The following TRPC1 variants were observed in gnomAD, a reference collection of about 807,000 sequenced individuals.
TRPC1 encodes the protein short transient receptor potential channel 1.
In TRPC1, 42 loss-of-function variants were observed where a neutral mutation model predicts 88.2. The ratio of observed to expected loss-of-function variants is 0.48; its 90% CI spans 0.37 to 0.62. The LOEUF is 0.62. TRPC1 is among the 20% of genes least tolerant of loss of function. The probability of loss-of-function intolerance (pLI) is 0.00; values close to 1 mark genes in which losing one functional copy is unlikely to be tolerated. For missense variants in TRPC1, 699 were observed against 957.3 expected, an observed-to-expected ratio of 0.73 and a Z score of 3.56; for synonymous variants, 288 against 331.8, an observed-to-expected ratio of 0.87 and a Z score of 1.43.
rs1318762345 is a variant in TRPC1, at chr3:142,806,523, T to TC, written c.*288_*289insC. 2.4e-5 allele frequency: 5 copies of TC among 211,210 alleles called. 1 individual carries two copies. The highest frequency in any genetic ancestry group is 1.9e-4 in the South Asian group (2 of 10,622). The allele number at this position is 211,210 out of a possible 1,614,324, so 13.1% of individuals were successfully genotyped here. Reference sequence around the variant, plus strand: ...CTTAGTGCTTTAAAATGTTTTTTTTTATGTTTAAGAGGGGCAGTTATAAAT... The same window carrying TC: ...CTTAGTGCTTTAAAATGTTTTTTTTTCATGTTTAAGAGGGGCAGTTATAAAT... On this transcript the variant is annotated 3_prime_UTR_variant, in exon 13 of 13. Transcript: ENST00000476941.
rs1936084452 is a variant in TRPC1, at chr3:142,784,947, A to C, written c.1204A>C (p.Asn402His). 7 of 1,613,892 alleles carry C rather than the reference A, an allele frequency of 4.3e-6. No homozygotes were observed. The highest frequency in any genetic ancestry group is 5.9e-6 in the Non-Finnish European group (7 of 1,179,996). The change falls in exon 7 of 13, where the codon AAT (asparagine) becomes CAT (histidine). Residue 402 changes from asparagine to histidine, a missense_variant. Around this residue, in one of 4 missense-constraint regions of TRPC1, gnomAD observed 426 missense variants for 641.3 expected, o/e 0.66. Transcript: ENST00000476941. ...ASYFTFLLLL[N>H]LYSLVYNEDK... ...ATATTTCACATTTCTGCTGTTGCTT[A>C]ATCTATACTCTCTTGTCTACAATGA...
intron 4 of TRPC1, among the ~76,000 whole-genome samples, chr3:142,766,966 T>A (rs959354067): frequency 2.6e-5 from 4 of 152,348 alleles, no homozygotes; most frequent in African/African-American, 9.6e-5. Context: ...AAATAAAGTT[T>A]GAAATCAGTT....
In TRPC1 at chr3:142,807,074, A is replaced by G. The variant is rs1936816822; in HGVS notation, c.*839A>G. The G allele has an allele frequency of 6.6e-6, 1 of 151,984 alleles. No individual in the cohort carries two copies. Among genetic ancestry groups the G allele is most frequent in the Non-Finnish European group, 1.5e-5 (1 of 67,966 alleles). 9.4% of individuals were successfully genotyped at this position (151,984 alleles called of 1,614,324 possible). ...TGGTTTGTTTTAATTTTTTTGTATC[A>G]TAATAGTCCTATTTTTTTTTCAAGT... On this transcript the variant is annotated 3_prime_UTR_variant, in exon 13 of 13. Coordinates refer to ENST00000476941, the MANE Select transcript of TRPC1 (RefSeq NM_001251845.2).
intron 9 of TRPC1, among the ~76,000 whole-genome samples, chr3:142,793,457 G>A (rs2108145011): frequency 6.6e-6 from 1 of 152,044 alleles, no homozygotes; most frequent in South Asian, 2.1e-4. Context: ...CATACTTAGA[G>A]CTAAAAAATT....
intron 9 of TRPC1, 112 bp from the exon 10 acceptor site, chr3:142,802,057 G>A (rs1035839694): frequency 6.3e-6 from 4 of 634,676 alleles, no homozygotes; most frequent in Non-Finnish European, 1.0e-5. Flanking sequence ...CAATAGAAGG[G>A]GTGGCCTGTG....
chr3:142,781,734 G>A (rs1206860790), intron 6 of TRPC1, among the ~76,000 whole-genome samples: 1 of 152,034 alleles, frequency 6.6e-6, no homozygotes, highest in East Asian at 1.9e-4. Flanking sequence ...ATATTCATAT[G>A]TAGATAATAA....
At chr3:142,744,266 A>T (rs1043104306) in intron 3 of TRPC1, among the ~76,000 whole-genome samples, 3 of 152,142 alleles carry the variant, frequency 2.0e-5, no homozygotes, top group Non-Finnish European at 4.4e-5. Flanking sequence ...ATTTAAAAAA[A>T]ATCATTGATA....
At chr3:142,775,003 AAC>A (rs1935712767) in intron 4 of TRPC1, among the ~76,000 whole-genome samples, 1 of 152,192 alleles carries the variant, frequency 6.6e-6, no homozygotes, top group South Asian at 2.1e-4. Context: ...CTATTTTTGA[AAC>A]AGTGTGATAA....
chr3:142,784,980 A>G lies in TRPC1; in HGVS notation c.1237A>G (p.Lys413Glu). The change falls in exon 7 of 13, where the codon AAA becomes GAA. Residue 413 changes from lysine to glutamate, a missense_variant. This residue lies in a region of TRPC1 where 426 missense variants were observed against 641.3 expected (regional missense o/e 0.66). Coordinates refer to ENST00000476941, the MANE Select transcript of TRPC1 (RefSeq NM_001251845.2). ...CTCTCTTGTCTACAATGAGGATAAGAAAAACACAATGGGGCCAGCCCTTGA... is the reference window on the plus strand; with the variant it reads ...CTCTCTTGTCTACAATGAGGATAAGGAAAACACAATGGGGCCAGCCCTTGA... ...LYSLVYNEDK[K>E]NTMGPALERI... The G allele has an allele frequency of 6.2e-7, 1 of 1,613,832 alleles. No homozygotes were observed.
intron 6 of TRPC1, among the ~76,000 whole-genome samples, chr3:142,784,469 G>T (rs541335482): frequency 1.2e-3 from 178 of 152,158 alleles, no homozygotes; most frequent in Non-Finnish European, 1.9e-3. Flanking sequence ...CTTGTTAAAG[G>T]TCATTTACCA....
chr3:142,751,216 T>C (rs1262655999), intron 4 of TRPC1, among the ~76,000 whole-genome samples: 2 of 152,208 alleles, frequency 1.3e-5, no homozygotes, highest in Non-Finnish European at 2.9e-5. Flanking sequence ...TCACATTCAC[T>C]TACCACCCAC....
intron 3 of TRPC1, among the ~76,000 whole-genome samples, chr3:142,746,632 G>T (rs1271585415): frequency 1.3e-5 from 2 of 152,144 alleles, no homozygotes; most frequent in Non-Finnish European, 1.5e-5. Context: ...TTTCATGATA[G>T]TATTTTTCAC....
intron 6 of TRPC1, among the ~76,000 whole-genome samples, chr3:142,782,403 AT>A (rs1935990178): frequency 6.6e-6 from 1 of 152,052 alleles, no homozygotes. Flanking sequence ...TGGGGAAGAT[AT>A]TTTCTCAAAT....
At chr3:142,773,933 T>C (rs1267201192) in intron 4 of TRPC1, among the ~76,000 whole-genome samples, 4 of 151,974 alleles carry the variant, frequency 2.6e-5, no homozygotes, top group Non-Finnish European at 4.4e-5. Context: ...CATACTTTTT[T>C]CCTGTTTTGT....
Position 142,781,021 on chromosome 3 carries a change from C to T in TRPC1, c.952C>T (p.Gln318Ter), listed in dbSNP as rs771259073. The change falls in exon 6 of 13, where the codon CAG (glutamine) becomes TAG (stop). Residue 318 changes from glutamine to a stop codon, truncating the protein, a stop_gained. Transcript: ENST00000476941. LOFTEE classifies it high-confidence loss of function. ...SRLKLAIKYN[Q>*]KEFVSQSNCQ... ...TCTAAAACTTGCTATCAAATATAACCAGAAAGAGGTATGAGGCTTTCTGTA... is the reference window on the plus strand; with the variant it reads ...TCTAAAACTTGCTATCAAATATAACTAGAAAGAGGTATGAGGCTTTCTGTA... The T allele has an allele frequency of 6.2e-7, 1 of 1,610,142 alleles. No individual in the cohort carries two copies. Among genetic ancestry groups the T allele is most frequent in the Non-Finnish European group, 8.5e-7 (1 of 1,178,574 alleles).
intron 3 of TRPC1, among the ~76,000 whole-genome samples, chr3:142,746,211 C>T (rs1253678152): frequency 6.6e-6 from 1 of 152,060 alleles, no homozygotes; most frequent in Non-Finnish European, 1.5e-5. Flanking sequence ...TGAATTCATT[C>T]TGTATTCTTG....
intron 7 of TRPC1, among the ~76,000 whole-genome samples, chr3:142,786,407 ATT>A (rs1360164143): frequency 6.6e-6 from 1 of 152,146 alleles, no homozygotes; most frequent in Admixed American, 6.5e-5. Context: ...AGGTAACTAG[ATT>A]GTAATTAGAG....
At chr3:142,747,566 G>A (rs1474641364) in intron 3 of TRPC1, among the ~76,000 whole-genome samples, 2 of 152,118 alleles carry the variant, frequency 1.3e-5, no homozygotes, top group Non-Finnish European at 2.9e-5. Context: ...ACTTCTCTGA[G>A]CCTCAGTTTC....
At position 142,760,903 on chromosome 3, in the gene TRPC1, A is replaced by G. The variant is rs1160093492; in HGVS notation, c.632+12443A>G. ...TCTTTTTCAGATTGTTCTTTGACAT[A>G]TATAAATGTTATTGACATTTGTATG... On this transcript the variant is annotated intron_variant, in intron 4 of 12. Transcript: ENST00000476941. 3.3e-5 allele frequency among the ~76,000 whole-genome samples: 5 copies of G among 152,164 alleles called. No homozygotes were observed. The South Asian group carries it at 6.2e-4, about 19-fold the overall frequency.
Sources: allele counts gnomAD v4.1 joint callset (sites outside exome capture counted in the v4.1 genomes callset), GRCh38; gene constraint gnomAD v4.1.1; regional missense constraint gnomAD v4.1.1; transcripts MANE v1.5; gene names NCBI Gene and HGNC (gene_info 2026-07-23, HGNC 2026-07-21).